NPAS2: variants seen among roughly 807,000 people sequenced by gnomAD.
NPAS2 encodes the protein neuronal PAS domain-containing protein 2.
A neutral mutation model predicts 107.5 loss-of-function variants in NPAS2; 23 were observed. The ratio of observed to expected loss-of-function variants is 0.21; its 90% CI spans 0.15 to 0.30. The LOEUF (loss-of-function observed/expected upper bound fraction) is 0.30, where lower values mean the gene tolerates loss of function less well. Among genes scored for constraint, NPAS2 ranks in the 10% least tolerant of loss-of-function variants. The pLI is 1.00. For synonymous variants in NPAS2, 403 were observed against 417.5 expected, an observed-to-expected ratio of 0.97 and a Z score of 0.42; for missense variants, 756 against 1,043.3, an observed-to-expected ratio of 0.72 and a Z score of 3.79.
chr2:100,842,223 C>G (rs1317312656), intron 1 of NPAS2, among the ~76,000 whole-genome samples: 1 of 152,192 alleles, frequency 6.6e-6, no homozygotes, highest in Non-Finnish European at 1.5e-5. Flanking sequence ...AGCCCAGACT[C>G]ATGAGGCTTT....
At position 100,995,659 on chromosome 2, in the gene NPAS2, G is replaced by T; in HGVS notation, c.*77G>T. On this transcript the variant is annotated 3_prime_UTR_variant, in exon 21 of 21. Coordinates refer to ENST00000335681, the MANE Select transcript of NPAS2 (RefSeq NM_002518.4). ...GGGTGGCCACAGGAGATGGGGAGAG[G>T]AGTCTGAACTAAACCCCTGGCTTTT... 1 of 1,555,444 alleles carries T rather than the reference G, an allele frequency of 6.4e-7. No homozygotes were observed. Among genetic ancestry groups the T allele is most frequent in the East Asian group, 2.4e-5 (1 of 41,888 alleles).
chr2:100,974,828 G>C lies in NPAS2; in HGVS notation c.1166G>C (p.Arg389Pro), dbSNP rs77601858. ...LKDKGSSLEP[R>P]QHFNTLDVGA... ...GACAAGGGCTCAAGCCTGGAACCTCGGCAGCACTTTAACACACTCGACGTG... is the reference window on the plus strand; with the variant it reads ...GACAAGGGCTCAAGCCTGGAACCTCCGCAGCACTTTAACACACTCGACGTG... The change falls in exon 13 of 21, where the codon CGG (arginine) becomes CCG (proline). Residue 389 changes from arginine to proline, a missense_variant. By Grantham distance (103) the Arg-to-Pro change is moderately radical. Around this residue, in one of 4 missense-constraint regions of NPAS2, gnomAD observed 496 missense variants for 594.4 expected, o/e 0.83. Coordinates refer to ENST00000335681, the MANE Select transcript of NPAS2 (RefSeq NM_002518.4). 3.7e-6 allele frequency: 6 copies of C among 1,614,060 alleles called. No homozygotes were observed. In the Admixed American group the frequency reaches 5.0e-5, roughly 13 times the overall value.
rs2105064993 is a variant in NPAS2 at position 100,951,642 on chromosome 2, C to T, written c.598+2162C>T. Among the ~76,000 whole-genome samples the T allele has an allele frequency of 2.0e-5, 3 of 152,046 alleles. 1 individual carries two copies. The highest frequency in any genetic ancestry group is 3.4e-3 in the Middle Eastern group (1 of 294). ...GGTACCATAGCCAAATTCATAGAAA[C>T]AGAAAGTAGAATGGTGAGTGCCAGG... On this transcript the variant is annotated intron_variant, in intron 7 of 20. Coordinates refer to ENST00000335681, the MANE Select transcript of NPAS2 (RefSeq NM_002518.4).
At chr2:100,826,469 AAAC>A (rs1182008402) in intron 1 of NPAS2, among the ~76,000 whole-genome samples, 2 of 152,164 alleles carry the variant, frequency 1.3e-5, no homozygotes, top group African/African-American at 2.4e-5. Context: ...TAAAAAATAA[AAAC>A]AAAAACTGAA....
intron 1 of NPAS2, among the ~76,000 whole-genome samples, chr2:100,857,901 TGAA>T (rs1678685746): frequency 6.6e-6 from 1 of 152,236 alleles, no homozygotes; most frequent in East Asian, 1.9e-4. Context: ...CTCCTGGCAT[TGAA>T]GAAGAAGCAC....
intron 1 of NPAS2, among the ~76,000 whole-genome samples, chr2:100,849,363 T>C (rs1441287844): frequency 6.6e-6 from 1 of 152,168 alleles, no homozygotes; most frequent in African/African-American, 2.4e-5. Flanking sequence ...GGGAGGACAG[T>C]GGCAGCAGGT....
Position 100,883,659 on chromosome 2 carries a change from C to T in NPAS2, c.-22-21074C>T, listed in dbSNP as rs79965675. On this transcript the variant is annotated intron_variant, in intron 1 of 20. Coordinates refer to ENST00000335681, the MANE Select transcript of NPAS2 (RefSeq NM_002518.4). ...TAGCACCCTTCCCCATCCATGTTTA[C>T]CTGTACAGCCACCTGTGCAGGTCAT... is the stretch of plus-strand genomic sequence containing the variant. Among the ~76,000 whole-genome samples, 801 of 152,250 alleles carry T rather than the reference C, an allele frequency of 5.3e-3. 4 individuals carry two copies. The highest frequency in any genetic ancestry group is 0.018 in the African/African-American group (754 of 41,538).
At chr2:100,851,049 C>G (rs1451880767) in intron 1 of NPAS2, among the ~76,000 whole-genome samples, 1 of 150,084 alleles carries the variant, frequency 6.7e-6, no homozygotes, top group Non-Finnish European at 1.5e-5. Context: ...TGAAATAAGC[C>G]AGTCCCAAAG....
intron 12 of NPAS2, among the ~76,000 whole-genome samples, chr2:100,974,142 C>T (rs1471370777): frequency 6.6e-6 from 1 of 152,164 alleles, no homozygotes; most frequent in East Asian, 1.9e-4. Context: ...GCACCCAGCC[C>T]CAACCCAGCC....
chr2:100,954,235 T>C (rs1675416784), intron 7 of NPAS2, among the ~76,000 whole-genome samples: 1 of 152,104 alleles, frequency 6.6e-6, no homozygotes, highest in Admixed American at 6.6e-5. Flanking sequence ...GGTGTGAGCT[T>C]TAGGTGCGTT....
At chr2:100,945,973 G>A (rs1031859706) in intron 5 of NPAS2, among the ~76,000 whole-genome samples, 10 of 152,120 alleles carry the variant, frequency 6.6e-5, no homozygotes, top group Non-Finnish European at 1.3e-4. Context: ...GGGATGTGGT[G>A]GTGAACAAGG....
At chr2:100,916,172 G>A (rs1682870546) in intron 2 of NPAS2, among the ~76,000 whole-genome samples, 1 of 151,940 alleles carries the variant, frequency 6.6e-6, no homozygotes, top group African/African-American at 2.4e-5. Context: ...CAGGAAAGGG[G>A]AAATAAACAA....
chr2:100,964,216 T>C (rs1320492814), intron 8 of NPAS2, 40 bp downstream of exon 8: 9 of 1,264,510 alleles, frequency 7.1e-6, no homozygotes, highest in African/African-American at 1.5e-5. Context: ...GGAGCTGTTA[T>C]GATTGACTCA....
At chr2:100,918,739 T>C (rs1683039626) in intron 2 of NPAS2, among the ~76,000 whole-genome samples, 1 of 152,242 alleles carries the variant, frequency 6.6e-6, no homozygotes, top group African/African-American at 2.4e-5. Flanking sequence ...TTTAAAGTAC[T>C]GACAATATTA....
chr2:100,899,922 C>T (rs960933269), intron 1 of NPAS2, among the ~76,000 whole-genome samples: 1 of 151,962 alleles, frequency 6.6e-6, no homozygotes, highest in African/African-American at 2.4e-5. Context: ...GAATAATGTC[C>T]GAGCCCTATC....
chr2:100,993,147 C>T (rs540816071), intron 19 of NPAS2, among the ~76,000 whole-genome samples, 200 bp from the exon 20 acceptor site: 3 of 152,226 alleles, frequency 2.0e-5, no homozygotes, highest in Admixed American at 2.0e-4. Flanking sequence ...ATTGGCCAGG[C>T]TGATCTCGAT....
chr2:100,961,478 A>G (rs1041116393), intron 7 of NPAS2, among the ~76,000 whole-genome samples: 1 of 151,974 alleles, frequency 6.6e-6, no homozygotes, highest in Admixed American at 6.6e-5. Flanking sequence ...TATTGAAGAG[A>G]GAAGTTGCCC....
chr2:100,915,452 G>T (rs975737627), intron 2 of NPAS2, among the ~76,000 whole-genome samples: 1 of 152,160 alleles, frequency 6.6e-6, no homozygotes, highest in Non-Finnish European at 1.5e-5. Flanking sequence ...AAAGCTGGTT[G>T]TGAGTTTCTG....
At chr2:100,961,447 A>G (rs1675909424) in intron 7 of NPAS2, among the ~76,000 whole-genome samples, 1 of 152,128 alleles carries the variant, frequency 6.6e-6, no homozygotes, top group Non-Finnish European at 1.5e-5. Context: ...AGTTTTTTTA[A>G]GTTTTTTGGT....
Sources: gnomAD v4.1 joint callset for allele counts (sites outside exome capture counted in the v4.1 genomes callset) on GRCh38, gnomAD v4.1.1 for gene constraint, gnomAD v4.1.1 regional missense constraint, MANE v1.5 for transcripts, NCBI Gene and HGNC (gene_info 2026-07-23, HGNC 2026-07-21) for gene names.